CSMD2: variants seen among roughly 807,000 people sequenced by gnomAD.
CSMD2 encodes CUB and sushi domain-containing protein 2.
A neutral mutation model predicts 398.5 loss-of-function variants in CSMD2; 130 were observed. That is an observed-to-expected ratio of 0.33 (90% confidence interval 0.28 to 0.38). The LOEUF (loss-of-function observed/expected upper bound fraction) is 0.38, where lower values mean the gene tolerates loss of function less well. Among genes scored for constraint, CSMD2 ranks in the 10% least tolerant of loss-of-function variants. CSMD2 has a pLI of 1.00. For missense variants in CSMD2, 3,829 were observed against 4,764.9 expected, an observed-to-expected ratio of 0.80 and a Z score of 5.78; for synonymous variants, 1,828 against 1,908.5, an observed-to-expected ratio of 0.96 and a Z score of 1.10.
intron 25 of CSMD2, among the ~76,000 whole-genome samples, chr1:33,683,691 A>G (rs1381634946): frequency 6.6e-6 from 1 of 152,170 alleles, no homozygotes; most frequent in Non-Finnish European, 1.5e-5. Context: ...TCTATGAAAA[A>G]CTGAATGGCC....
At chr1:34,084,035 C>T (rs765122584) in intron 2 of CSMD2, among the ~76,000 whole-genome samples, 8 of 151,734 alleles carry the variant, frequency 5.3e-5, no homozygotes, top group South Asian at 2.1e-4. Flanking sequence ...TTGCTAAGCC[C>T]GTGTGAAATG....
intron 25 of CSMD2, among the ~76,000 whole-genome samples, chr1:33,676,687 T>C (rs1404263213): frequency 6.6e-6 from 1 of 152,206 alleles, no homozygotes; most frequent in Non-Finnish European, 1.5e-5. Context: ...GCTGGAGGCA[T>C]CACACTACCT....
chr1:33,953,669 G>T (rs1645075772), intron 3 of CSMD2, among the ~76,000 whole-genome samples: 1 of 152,134 alleles, frequency 6.6e-6, no homozygotes, highest in Non-Finnish European at 1.5e-5. Context: ...GGAGCCACAG[G>T]CCCCCGAGTT....
chr1:33,812,594 A>G (rs557419317), intron 9 of CSMD2, among the ~76,000 whole-genome samples: 165 of 152,382 alleles, frequency 1.1e-3, no homozygotes, highest in Non-Finnish European at 2.1e-3. Flanking sequence ...TTTAAAATTT[A>G]TGAACTTAGC....
At chr1:33,864,007 TCA>T in intron 5 of CSMD2, 2 of 588,944 alleles carry the variant, frequency 3.4e-6, no homozygotes, top group South Asian at 4.4e-5. Flanking sequence ...GTGGATGATG[TCA>T]CAGTTTCCCT....
chr1:33,979,181 C>T (rs920492333), intron 3 of CSMD2, among the ~76,000 whole-genome samples: 2 of 152,204 alleles, frequency 1.3e-5, no homozygotes, highest in Non-Finnish European at 2.9e-5. Context: ...TTGCCCACCC[C>T]ATGCCAGATC....
intron 3 of CSMD2, among the ~76,000 whole-genome samples, chr1:33,998,469 G>A (rs571661910): frequency 1.3e-5 from 2 of 152,364 alleles, no homozygotes; most frequent in African/African-American, 4.8e-5. Context: ...GACCAGTTGT[G>A]GCTATAGGCC....
chr1:33,604,771 C>T (rs1341140436), intron 42 of CSMD2, among the ~76,000 whole-genome samples: 1 of 152,188 alleles, frequency 6.6e-6, no homozygotes, highest in Non-Finnish European at 1.5e-5. Context: ...GTGCCACCTC[C>T]AGCTCCCTGA....
chr1:33,605,582 T>C (rs986638634), intron 41 of CSMD2, 112 bp from the exon 42 acceptor site: 73 of 1,075,182 alleles, frequency 6.8e-5, no homozygotes, highest in Admixed American at 3.5e-4. Flanking sequence ...ACCTTTGTCA[T>C]GTACAAGTCA....
chr1:34,059,660 G>T (rs148556681), intron 2 of CSMD2, among the ~76,000 whole-genome samples: 16 of 152,222 alleles, frequency 1.1e-4, no homozygotes, highest in Middle Eastern at 6.8e-3. Context: ...ATATTATATG[G>T]TCTCCCTCAG....
In CSMD2 at chr1:33,792,415, G is replaced by A. The variant is rs1360386860; in HGVS notation, c.1550+8C>T. The A allele has an allele frequency of 3.1e-6, 5 of 1,603,556 alleles. No individual in the cohort carries two copies. The highest frequency in any genetic ancestry group is 2.2e-5 in the East Asian group (1 of 44,810). On this transcript the variant is annotated splice_region_variant and intron_variant, in intron 11 of 70. Transcript: ENST00000373381. ...CACCTTCCAAACAACATGCCCCACT[G>A]CACTTACATGTAGAGAACTGTCTTC...
At chr1:33,787,414 C>T (rs537613567) in intron 12 of CSMD2, among the ~76,000 whole-genome samples, 2 of 152,274 alleles carry the variant, frequency 1.3e-5, no homozygotes, top group South Asian at 2.1e-4. Context: ...ACCTTCTCCC[C>T]GCTCCCTGGG....
At chr1:33,825,876 G>A in intron 6 of CSMD2, 102 bp from the exon 7 acceptor site, 1 of 953,490 alleles carries the variant, frequency 1.0e-6, no homozygotes, top group Admixed American at 2.3e-5. Flanking sequence ...AACATTCCAT[G>A]GTGGGTCAAA....
chr1:33,691,143 G>A (rs1405788244), intron 25 of CSMD2, among the ~76,000 whole-genome samples: 2 of 152,218 alleles, frequency 1.3e-5, no homozygotes, highest in Non-Finnish European at 2.9e-5. Context: ...GCCATGTACA[G>A]GGGTCACCAA....
chr1:33,586,168 C>T (rs1484101495), intron 46 of CSMD2, among the ~76,000 whole-genome samples: 1 of 152,160 alleles, frequency 6.6e-6, no homozygotes, highest in Non-Finnish European at 1.5e-5. Context: ...GTGTGTGAGC[C>T]CACGCCCACA....
intron 15 of CSMD2, among the ~76,000 whole-genome samples, chr1:33,732,012 A>G (rs543088075): frequency 3.5e-4 from 53 of 152,314 alleles, no homozygotes; most frequent in African/African-American, 1.2e-3. Context: ...TGATAGGTAC[A>G]TGTGGGTTCA....
At chr1:33,646,401 G>T (rs1276401111) in intron 29 of CSMD2, among the ~76,000 whole-genome samples, 1 of 152,196 alleles carries the variant, frequency 6.6e-6, no homozygotes, top group African/African-American at 2.4e-5. Flanking sequence ...ACTAGTGGTT[G>T]GAAATAGATG....
chr1:33,705,590 G>A (rs1645747745), intron 22 of CSMD2, among the ~76,000 whole-genome samples: 1 of 151,828 alleles, frequency 6.6e-6, no homozygotes, highest in Non-Finnish European at 1.5e-5. Context: ...TAAGGCCTGG[G>A]GCTTTTGAGA....
intron 55 of CSMD2, among the ~76,000 whole-genome samples, chr1:33,556,380 C>T (rs1372717634): frequency 6.6e-6 from 1 of 152,136 alleles, no homozygotes; most frequent in Non-Finnish European, 1.5e-5. Flanking sequence ...GACCTACAGC[C>T]ACGAGGGCGT....
Sources: gnomAD v4.1 joint callset for allele counts (sites outside exome capture counted in the v4.1 genomes callset) on GRCh38, gnomAD v4.1.1 for gene constraint, MANE v1.5 for transcripts, NCBI Gene and HGNC (gene_info 2026-07-23, HGNC 2026-07-21) for gene names.